SEMA3D: variants seen among roughly 807,000 people sequenced by gnomAD.
SEMA3D encodes semaphorin 3D, also known as semaphorin-3D.
Under a neutral mutation model 100.1 loss-of-function variants are expected in SEMA3D, and 84 were observed. The observed-to-expected ratio is 0.84, with a 90% CI of 0.70 to 1.01. SEMA3D has a LOEUF of 1.01. Among genes scored for constraint, SEMA3D ranks in the 50% least tolerant of loss-of-function variants. The pLI is 0.00. For missense variants in SEMA3D, 875 were observed against 934.1 expected (o/e 0.94, Z 0.82); for synonymous variants, 312 against 320.7 (o/e 0.97, Z 0.29).
intron 1 of SEMA3D, among the ~76,000 whole-genome samples, chr7:85,183,978 T>G (rs1262436636): frequency 6.6e-6 from 1 of 152,182 alleles, no homozygotes; most frequent in Non-Finnish European, 1.5e-5. Context: ...TGATAAATTC[T>G]TTTTCTTTTT....
At chr7:85,177,113 T>G (rs1223792078) in intron 1 of SEMA3D, among the ~76,000 whole-genome samples, 1 of 152,164 alleles carries the variant, frequency 6.6e-6, no homozygotes, top group Non-Finnish European at 1.5e-5. Context: ...TAACAACATA[T>G]TCCTCAGAAC....
chr7:85,204,119 C>G, the SEMA3D span, among the ~76,000 whole-genome samples: 1 of 151,570 alleles, frequency 6.6e-6, no homozygotes, highest in African/African-American at 2.4e-5. Flanking sequence ...AAAAAAAACA[C>G]TTTTAAAAAG....
At chr7:85,118,610 G>A (rs906412159) in intron 3 of SEMA3D, among the ~76,000 whole-genome samples, 2 of 152,048 alleles carry the variant, frequency 1.3e-5, no homozygotes, top group African/African-American at 4.8e-5. Flanking sequence ...GAACAGCTGA[G>A]CTCTTATAAT....
intron 1 of SEMA3D, among the ~76,000 whole-genome samples, chr7:85,172,361 T>C (rs1791108130): frequency 6.6e-6 from 1 of 151,982 alleles, no homozygotes; most frequent in South Asian, 2.1e-4. Context: ...AGAAAAGCAT[T>C]CAACAAGTAT....
intron 8 of SEMA3D, among the ~76,000 whole-genome samples, chr7:85,061,922 C>T (rs1274044647): frequency 6.6e-6 from 1 of 152,172 alleles, no homozygotes; most frequent in African/African-American, 2.4e-5. Context: ...GCTTGCGGAA[C>T]TCCATCTTCT....
chr7:85,077,780 A>C (rs1297312857), intron 5 of SEMA3D, among the ~76,000 whole-genome samples: 1 of 152,164 alleles, frequency 6.6e-6, no homozygotes, highest in African/African-American at 2.4e-5. Flanking sequence ...TATGAGGCAT[A>C]AACTTTCTGG....
At chr7:85,192,411 A>T in the SEMA3D span, among the ~76,000 whole-genome samples, 1 of 152,032 alleles carries the variant, frequency 6.6e-6, no homozygotes, top group African/African-American at 2.4e-5. Context: ...AAGTTAAGCG[A>T]CTTAAAAATA....
chr7:85,118,547 CTTAGTTTCATG>C (rs1789312416), intron 3 of SEMA3D, among the ~76,000 whole-genome samples: 1 of 151,918 alleles, frequency 6.6e-6, no homozygotes, highest in Non-Finnish European at 1.5e-5. Context: ...CCTTTTGAGA[CTTAGTTTCATG>C]TTTTTTAAGG....
At chr7:85,125,056 C>T (rs1452619629) in intron 2 of SEMA3D, among the ~76,000 whole-genome samples, 2 of 152,016 alleles carry the variant, frequency 1.3e-5, no homozygotes, top group African/African-American at 4.8e-5. Flanking sequence ...ATGTATTCTC[C>T]CTCCTACCCA....
intron 3 of SEMA3D, among the ~76,000 whole-genome samples, chr7:85,109,326 C>A (rs1458185094): frequency 6.6e-6 from 1 of 151,856 alleles, no homozygotes; most frequent in African/African-American, 2.4e-5. Flanking sequence ...AGCCCCATCA[C>A]CCATTACAGC....
chr7:85,141,672 G>T, intron 2 of SEMA3D: 1 of 980,194 alleles, frequency 1.0e-6, no homozygotes, highest in Non-Finnish European at 1.2e-6. Flanking sequence ...TGTTCCTTTT[G>T]GGCTGAATAG....
chr7:85,223,918 G>T, the SEMA3D span, among the ~76,000 whole-genome samples: 1 of 151,478 alleles, frequency 6.6e-6, no homozygotes, highest in African/African-American at 2.4e-5. Context: ...AAGTCTCTAA[G>T]AAATAATGCA....
chr7:85,059,341 A>G (rs1215801650), intron 8 of SEMA3D, among the ~76,000 whole-genome samples: 1 of 152,200 alleles, frequency 6.6e-6, no homozygotes, highest in Admixed American at 6.5e-5. Context: ...ATAAATTCTT[A>G]AGTAATTTGA....
At chr7:85,013,824 T>C (rs1039923447) in intron 16 of SEMA3D, among the ~76,000 whole-genome samples, 1 of 151,736 alleles carries the variant, frequency 6.6e-6, no homozygotes, top group Non-Finnish European at 1.5e-5. Flanking sequence ...ATAAGGTACA[T>C]AGGTCAAGAA....
chr7:85,110,937 C>T (rs1044665573), intron 3 of SEMA3D, among the ~76,000 whole-genome samples: 1 of 152,040 alleles, frequency 6.6e-6, no homozygotes, highest in African/African-American at 2.4e-5. Context: ...TTATCAAAGT[C>T]AACAGTGAGG....
In SEMA3D at chr7:85,107,743, C is replaced by T. The variant is rs565771626; in HGVS notation, c.152-9778G>A. ...TTTCCTCTGTTTATATAATCCATCA[C>T]TTTAAGTCTGTTTAACCCCCCTCAC... On this transcript the variant is annotated intron_variant, in intron 3 of 18. Transcript: ENST00000284136. 1.3e-4 allele frequency among the ~76,000 whole-genome samples: 20 copies of T among 152,146 alleles called. No homozygotes were observed. In the East Asian group the frequency reaches 3.7e-3, roughly 28 times the overall value.
the SEMA3D span, among the ~76,000 whole-genome samples, chr7:85,202,155 C>A: frequency 6.7e-6 from 1 of 149,842 alleles, no homozygotes; most frequent in African/African-American, 2.5e-5. Context: ...TGTGCTGCAC[C>A]CACTAACTCG....
intron 3 of SEMA3D, among the ~76,000 whole-genome samples, chr7:85,105,740 T>C (rs574281630): frequency 2.0e-5 from 3 of 152,234 alleles, no homozygotes; most frequent in Non-Finnish European, 4.4e-5. Flanking sequence ...TGGAATGTTA[T>C]AGATCATTCT....
chr7:84,999,867 T>C lies in SEMA3D; in HGVS notation c.1909-2A>G, dbSNP rs775080893. On this transcript the variant is annotated splice_acceptor_variant, in intron 18 of 18. Transcript: ENST00000284136. LOFTEE classifies it high-confidence loss of function. ...GATGATTCTTTCATCGGGCTTCAACTGCAGAATTGGAAAAATGTAGGTAAT... is the reference window on the plus strand; with the variant it reads ...GATGATTCTTTCATCGGGCTTCAACCGCAGAATTGGAAAAATGTAGGTAAT... The C allele has an allele frequency of 8.7e-6, 14 of 1,610,104 alleles. No individual in the cohort carries two copies. Among genetic ancestry groups the C allele is most frequent in the Non-Finnish European group, 1.0e-5 (12 of 1,177,466 alleles).
Sources: gnomAD v4.1 joint callset for allele counts (sites outside exome capture counted in the v4.1 genomes callset) on GRCh38, gnomAD v4.1.1 for gene constraint, MANE v1.5 for transcripts, NCBI Gene and HGNC (gene_info 2026-07-23, HGNC 2026-07-21) for gene names.